Variants in IP6K1 observed in about 807,000 individuals in gnomAD.
The protein encoded by IP6K1 is ATP:1D-myo-inositol-hexakisphosphate phosphotransferase.
Under a neutral mutation model 38.3 loss-of-function variants are expected in IP6K1, and 13 were observed. That is an observed-to-expected ratio of 0.34 (90% CI 0.22 to 0.54). IP6K1 has a LOEUF of 0.54. Among genes scored for constraint, IP6K1 ranks in the 20% least tolerant of loss-of-function variants. The pLI is 0.92. For synonymous variants in IP6K1, 212 were observed against 229.9 expected (o/e 0.92, Z 0.70); for missense variants, 397 against 599.8 (o/e 0.66, Z 3.53).
intron 1 of IP6K1, among the ~76,000 whole-genome samples, chr3:49,776,506 G>GA (rs377678977): frequency 0.18 from 27,171 of 149,256 alleles, 2,761 homozygotes; most frequent in African/African-American, 0.27. Context: ...GACAGGGCAA[G>GA]ACTCAGTCTC....
Position 49,724,490 on chromosome 3 carries a change from G to C in IP6K1, c.*2632C>G, listed in dbSNP as rs1386083408. ...GGAGACAGGCTTAGCTTCCAGGAAAGAGCAGCAGAGAGCGATTCCCAGAAC... is the reference window on the plus strand; with the variant it reads ...GGAGACAGGCTTAGCTTCCAGGAAACAGCAGCAGAGAGCGATTCCCAGAAC... On this transcript the variant is annotated 3_prime_UTR_variant, in exon 6 of 6. Transcript: ENST00000321599. The C allele has an allele frequency of 6.6e-6, 1 of 152,318 alleles. No homozygotes were observed. The highest frequency in any genetic ancestry group is 1.5e-5 in the Non-Finnish European group (1 of 68,086). The allele number at this position is 152,318 out of a possible 1,614,324, so 9.4% of individuals were successfully genotyped here.
chr3:49,767,451 G>C (rs567136991), intron 1 of IP6K1, among the ~76,000 whole-genome samples: 16 of 151,850 alleles, frequency 1.1e-4, no homozygotes, highest in Non-Finnish European at 2.1e-4. Flanking sequence ...GTGGTGGCAC[G>C]TGCCTGTAAT....
At position 49,727,013 on chromosome 3, in the gene IP6K1, G is replaced by A. The variant is rs1170832890; in HGVS notation, c.*109C>T. 9.0e-7 allele frequency: 1 copy of A among 1,112,984 alleles called. No individual in the cohort carries two copies. Among genetic ancestry groups the A allele is most frequent in the Non-Finnish European group, 1.3e-6 (1 of 773,362 alleles). 68.9% of individuals were successfully genotyped at this position (1,112,984 alleles called of 1,614,324 possible). A position where few individuals can be genotyped will look rare whatever the true frequency, so the allele number is the denominator to read the frequency against. On this transcript the variant is annotated 3_prime_UTR_variant, in exon 6 of 6. Coordinates refer to ENST00000321599, the MANE Select transcript of IP6K1 (RefSeq NM_153273.4). The surrounding 1 kb of genome is among the most constrained non-coding windows in gnomAD (Gnocchi z 5.9). ...AACATTTCTTTTAGTTTACACCAAA[G>A]AGAAATATAACCCTTTAAAAGCAAG...
chr3:49,774,479 A>G (rs966755326), intron 1 of IP6K1, among the ~76,000 whole-genome samples: 4 of 151,944 alleles, frequency 2.6e-5, no homozygotes, highest in African/African-American at 9.7e-5. Context: ...TTGAGTATCT[A>G]CAGAGTAAGA....
chr3:49,743,449 G>T (rs1163648294), intron 2 of IP6K1, among the ~76,000 whole-genome samples: 1 of 151,948 alleles, frequency 6.6e-6, no homozygotes, highest in Admixed American at 6.6e-5. Context: ...AGAGGCCAAG[G>T]TGGGAGGATT....
chr3:49,772,808 G>A (rs1478189708), intron 1 of IP6K1, among the ~76,000 whole-genome samples: 1 of 151,070 alleles, frequency 6.6e-6, no homozygotes, highest in African/African-American at 2.4e-5. Flanking sequence ...CGTTGCCCAG[G>A]CTGGTCTTGA....
chr3:49,732,826 C>A lies in IP6K1; in HGVS notation c.581G>T (p.Arg194Leu), dbSNP rs764447707. Residue 194 changes from arginine (R) to leucine (L), a missense_variant, in exon 4 of 6, where the codon CGC (arginine) becomes CTC (leucine). Arg to Leu is a moderately radical substitution (Grantham distance 102). This residue lies in a region of IP6K1 where 62 missense variants were observed against 149.2 expected (regional missense o/e 0.42). Coordinates refer to ENST00000321599, the MANE Select transcript of IP6K1 (RefSeq NM_153273.4). Reference sequence around the variant, plus strand: ...TCGGTCCTTGGACTCGGAGCGCATGCGGCTCAGCTGCTGCTTGTGACAACG... The same window carrying A: ...TCGGTCCTTGGACTCGGAGCGCATGAGGCTCAGCTGCTGCTTGTGACAACG... ...SLRCHKQQLS[R>L]MRSESKDRKL... 6 of 1,613,738 alleles carry A rather than the reference C, an allele frequency of 3.7e-6. No homozygotes were observed. Among genetic ancestry groups the A allele is most frequent in the South Asian group, 1.1e-5 (1 of 91,054 alleles).
chr3:49,733,756 T>C (rs926651641), intron 3 of IP6K1, among the ~76,000 whole-genome samples: 1 of 152,064 alleles, frequency 6.6e-6, no homozygotes, highest in African/African-American at 2.4e-5. Context: ...GAAGGAGGAA[T>C]GGGGAGTCAG....
intron 1 of IP6K1, chr3:49,748,864 C>G (rs1559707581): frequency 6.6e-6 from 1 of 152,242 alleles, no homozygotes; most frequent in Admixed American, 6.5e-5. Context: ...AATTATACAA[C>G]TCACCATAAT....
chr3:49,736,327 A>G (rs1254610692), intron 3 of IP6K1, among the ~76,000 whole-genome samples: 3 of 152,140 alleles, frequency 2.0e-5, no homozygotes, highest in Admixed American at 2.0e-4. Context: ...CATGACCCCA[A>G]AATCAAAACC....
At chr3:49,784,009 A>T (rs999876168) in intron 1 of IP6K1, among the ~76,000 whole-genome samples, 1 of 151,614 alleles carries the variant, frequency 6.6e-6, no homozygotes, top group African/African-American at 2.4e-5. Flanking sequence ...TATTTTATTT[A>T]TTATTTATTT....
rs1356314768 is a variant in IP6K1 at position 49,729,181 on chromosome 3, A to G, written c.617-903T>C. On this transcript the variant is annotated intron_variant, in intron 4 of 5. Transcript: ENST00000321599. ...TACATTTACCTTTCCTGGGTATCTC[A>G]TAAGTGGAATTATACAGTATTTGTC... Among the ~76,000 whole-genome samples, 4 of 152,222 alleles carry G rather than the reference A, an allele frequency of 2.6e-5. No individual in the cohort carries two copies. The East Asian group carries it at 5.8e-4, about 22-fold the overall frequency.
intron 1 of IP6K1, among the ~76,000 whole-genome samples, chr3:49,757,489 T>C: frequency 6.6e-6 from 1 of 151,918 alleles, no homozygotes; most frequent in African/African-American, 2.4e-5. Context: ...TTTGGGAGGC[T>C]GAGATGTGTG....
At chr3:49,735,075 C>T (rs1169792526) in intron 3 of IP6K1, among the ~76,000 whole-genome samples, 1 of 152,250 alleles carries the variant, frequency 6.6e-6, no homozygotes, top group African/African-American at 2.4e-5. Context: ...CCACTCTAGA[C>T]TGGGCGCAGT....
chr3:49,747,202 A>C (rs2080727743), intron 2 of IP6K1, among the ~76,000 whole-genome samples: 1 of 152,112 alleles, frequency 6.6e-6, no homozygotes, highest in African/African-American at 2.4e-5. Context: ...TAAAAAAAAA[A>C]CTTAGACACA....
intron 1 of IP6K1, among the ~76,000 whole-genome samples, chr3:49,781,912 T>C (rs958745296): frequency 8.6e-5 from 13 of 151,234 alleles, no homozygotes; most frequent in Middle Eastern, 3.4e-3. Context: ...CAAGACATCA[T>C]GTCCATTAAA....
At chr3:49,744,289 C>T (rs2080700985) in intron 2 of IP6K1, among the ~76,000 whole-genome samples, 1 of 150,164 alleles carries the variant, frequency 6.7e-6, no homozygotes, top group Non-Finnish European at 1.5e-5. Context: ...GTAGTCCCAG[C>T]TACTCGGGAG....
intron 2 of IP6K1, among the ~76,000 whole-genome samples, chr3:49,743,365 T>C (rs1252324881): frequency 6.6e-6 from 1 of 151,150 alleles, no homozygotes; most frequent in Non-Finnish European, 1.5e-5. Flanking sequence ...TGGAGGAGGA[T>C]CACTTGAGAC....
At chr3:49,777,698 AGGTCAGGAGAT>A (rs1179279243) in intron 1 of IP6K1, among the ~76,000 whole-genome samples, 5 of 151,858 alleles carry the variant, frequency 3.3e-5, no homozygotes, top group African/African-American at 1.2e-4. Flanking sequence ...GCGGATCACA[AGGTCAGGAGAT>A]CGAGACCATC....
Sources: gnomAD v4.1 joint callset for allele counts (sites outside exome capture counted in the v4.1 genomes callset) on GRCh38, gnomAD v4.1.1 for gene constraint, gnomAD v4.1.1 regional missense constraint, Gnocchi (gnomAD v3.1) non-coding constraint, MANE v1.5 for transcripts, NCBI Gene and HGNC (gene_info 2026-07-23, HGNC 2026-07-21) for gene names.